The following SASH1 variants were observed in gnomAD, a reference collection of about 807,000 sequenced individuals.
SASH1 encodes SAM and SH3 domain containing 1.
A neutral mutation model predicts 125.2 loss-of-function variants in SASH1; 44 were observed. That is an observed-to-expected ratio of 0.35 (90% CI 0.28 to 0.45). The LOEUF is 0.45. SASH1 is among the 20% of genes least tolerant of loss of function. The probability of loss-of-function intolerance (pLI) is 1.00; values close to 1 mark genes in which losing one functional copy is unlikely to be tolerated. For missense variants in SASH1, 1,426 were observed against 1,614.5 expected (o/e 0.88, Z 2.00); for synonymous variants, 639 against 649.1 (o/e 0.98, Z 0.24).
intron 1 of SASH1, among the ~76,000 whole-genome samples, chr6:148,290,591 G>A (rs1340897674): frequency 1.3e-5 from 2 of 152,098 alleles, no homozygotes; most frequent in Non-Finnish European, 2.9e-5. Flanking sequence ...GGGTGACAGA[G>A]TGAGATTCCG....
intron 2 of SASH1, among the ~76,000 whole-genome samples, chr6:148,406,944 G>C (rs967551843): frequency 3.3e-5 from 5 of 152,234 alleles, no homozygotes; most frequent in African/African-American, 1.2e-4. Context: ...GGAGCAGAGA[G>C]AATCAGGCGC....
Position 148,307,094 on chromosome 6 carries a change from T to TTCTTTCTTTCTTTCTTTCTTTCTCTC in SASH1, n.74+34720_74+34721insTTCTTTCTTTCTTTCTTTCTCTCTCT, listed in dbSNP as rs1240787953. Among the ~76,000 whole-genome samples, 126 of 120,756 alleles carry TTCTTTCTTTCTTTCTTTCTTTCTCTC rather than the reference T, an allele frequency of 1.0e-3. 3 individuals are homozygous for TTCTTTCTTTCTTTCTTTCTTTCTCTC. The highest frequency in any genetic ancestry group is 3.9e-3 in the African/African-American group (124 of 31,618). 79.2% of individuals were successfully genotyped at this position (120,756 alleles called of 152,430 possible). On this transcript the variant is annotated intron_variant and non_coding_transcript_variant, in intron 1 of 3. Coordinates refer to the SASH1 transcript ENST00000367469. ...TTTCTTTCTTTCTTTCTTTCTTTCT[T>TTCTTTCTTTCTTTCTTTCTTTCTCTC]TCTCTCTCTCTGTCTCTTTCTTTCT...
intron 1 of SASH1, among the ~76,000 whole-genome samples, chr6:148,320,586 G>A (rs1780611627): frequency 6.6e-6 from 1 of 152,200 alleles, no homozygotes; most frequent in Non-Finnish European, 1.5e-5. Flanking sequence ...CAAAGGGTGG[G>A]TTCTTTCAGG....
At chr6:148,323,042 T>C (rs2114577966) in intron 1 of SASH1, among the ~76,000 whole-genome samples, 1 of 151,444 alleles carries the variant, frequency 6.6e-6, no homozygotes, top group East Asian at 1.9e-4. Flanking sequence ...TCCTCTTTTT[T>C]TTGAGACAGG....
chr6:148,244,962 G>C, the SASH1 span, among the ~76,000 whole-genome samples: 1 of 93,258 alleles, frequency 1.1e-5, no homozygotes, highest in Admixed American at 1.0e-4. Context: ...GTGTGTGTGA[G>C]AGAGAGAGAG....
At chr6:148,349,389 A>T (rs1781639738) in intron 1 of SASH1, among the ~76,000 whole-genome samples, 2 of 150,036 alleles carry the variant, frequency 1.3e-5, no homozygotes, top group Admixed American at 1.3e-4. Flanking sequence ...TCAGCCTCCC[A>T]AGTGGCTGGG....
intron 16 of SASH1, among the ~76,000 whole-genome samples, chr6:148,539,461 T>C (rs928417734): frequency 1.3e-5 from 2 of 152,160 alleles, no homozygotes; most frequent in African/African-American, 2.4e-5. Context: ...TGGATTTTGG[T>C]TTTCTACTCC....
chr6:148,212,877 TTG>T, the SASH1 span, among the ~76,000 whole-genome samples: 1 of 152,174 alleles, frequency 6.6e-6, no homozygotes, highest in Admixed American at 6.5e-5. Context: ...AGAGTGAGGC[TTG>T]AACCCAGTTT....
chr6:148,214,315 TTAA>T, the SASH1 span, among the ~76,000 whole-genome samples: 1 of 152,324 alleles, frequency 6.6e-6, no homozygotes, highest in East Asian at 1.9e-4. Flanking sequence ...TTCGCACATG[TTAA>T]TAATATAAGA....
chr6:148,194,829 CT>C, the SASH1 span, among the ~76,000 whole-genome samples: 1 of 152,192 alleles, frequency 6.6e-6, no homozygotes, highest in Admixed American at 6.5e-5. Context: ...TGGCGTGAAC[CT>C]AGGAGGCGGA....
chr6:148,233,887 T>C, the SASH1 span, among the ~76,000 whole-genome samples: 452 of 150,348 alleles, frequency 3.0e-3, 2 homozygotes, highest in African/African-American at 9.6e-3. Flanking sequence ...CACTCCAGAC[T>C]GGGTGACAGA....
chr6:148,436,115 G>C (rs1016884981), intron 2 of SASH1, among the ~76,000 whole-genome samples: 3 of 152,168 alleles, frequency 2.0e-5, no homozygotes, highest in Non-Finnish European at 4.4e-5. Context: ...GCCATCCAGT[G>C]TTGCTCTCAC....
At chr6:148,508,590 T>A in intron 8 of SASH1, 2 of 1,134,572 alleles carry the variant, frequency 1.8e-6, no homozygotes, top group Non-Finnish European at 1.1e-6. Context: ...CTTATGCCTT[T>A]CTTGCGAGTT....
intron 2 of SASH1, among the ~76,000 whole-genome samples, chr6:148,421,737 T>G (rs1292587516): frequency 1.3e-5 from 2 of 152,252 alleles, no homozygotes; most frequent in Non-Finnish European, 2.9e-5. Flanking sequence ...CCTGTTCTTA[T>G]CTTATACTTC....
intron 1 of SASH1, among the ~76,000 whole-genome samples, chr6:148,359,465 AT>A (rs1782102272): frequency 6.6e-6 from 1 of 151,994 alleles, no homozygotes; most frequent in Admixed American, 6.6e-5. Context: ...CAATCTCATG[AT>A]TAAACCTGAA....
In SASH1 at chr6:148,351,804, A is replaced by G. The variant is rs563553826; in HGVS notation, c.156+8581A>G. ...ATTGTTTTTAACCTAGAGCTAAAAC[A>G]TGTTTATGTGTGTGTGTGCTTTAAA... On this transcript the variant is annotated intron_variant, in intron 1 of 19. Transcript: ENST00000367467. Among the ~76,000 whole-genome samples, 3 of 101,138 alleles carry G rather than the reference A, an allele frequency of 3.0e-5. No homozygotes were observed. The East Asian group carries it at 8.4e-4, about 28-fold the overall frequency. The allele number at this position is 101,138 out of a possible 152,430, so 66.4% of individuals were successfully genotyped here. A position where few individuals can be genotyped will look rare whatever the true frequency, so the allele number is the denominator to read the frequency against.
At chr6:148,440,639 T>G in intron 4 of SASH1, 1 of 546,650 alleles carries the variant, frequency 1.8e-6, no homozygotes, top group Non-Finnish European at 3.2e-6. Flanking sequence ...TTACACTTAT[T>G]GTGAATAAAC....
At chr6:148,527,818 C>A (rs1369916475) in intron 12 of SASH1, among the ~76,000 whole-genome samples, 2 of 152,202 alleles carry the variant, frequency 1.3e-5, no homozygotes, top group East Asian at 3.8e-4. Flanking sequence ...ATACAAAATA[C>A]AGAACTTGCC....
At chr6:148,339,356 T>C (rs985274122), upstream of SASH1, among the ~76,000 whole-genome samples, 4 of 151,450 alleles carry the variant, frequency 2.6e-5, no homozygotes, top group African/African-American at 9.7e-5. Flanking sequence ...AAATTTCACA[T>C]TCTATGTATA....
Sources: allele counts gnomAD v4.1 joint callset (sites outside exome capture counted in the v4.1 genomes callset), GRCh38; gene constraint gnomAD v4.1.1; transcripts MANE v1.5; gene names NCBI Gene and HGNC (gene_info 2026-07-23, HGNC 2026-07-21).